Variants in GALNT18 observed in about 807,000 individuals in gnomAD.
GALNT18 encodes GalNAc-transferase 18.
Under a neutral mutation model 69.5 loss-of-function variants are expected in GALNT18, and 44 were observed. That is an observed-to-expected ratio of 0.63 (90% CI 0.50 to 0.81). The LOEUF is 0.81. Ranked by LOEUF, GALNT18 falls within the 40% of genes least tolerant of loss-of-function variation. The pLI, the probability that GALNT18 is intolerant of heterozygous loss-of-function variation, is 0.00. For synonymous variants in GALNT18, 364 were observed against 318.2 expected, an observed-to-expected ratio of 1.14 and a Z score of -1.53; for missense variants, 715 against 810.0, an observed-to-expected ratio of 0.88 and a Z score of 1.42.
intron 6 of GALNT18, among the ~76,000 whole-genome samples, chr11:11,359,969 T>C (rs905881159): frequency 6.6e-6 from 1 of 152,176 alleles, no homozygotes; most frequent in Non-Finnish European, 1.5e-5. Flanking sequence ...CAATTAATAA[T>C]ACACACAAGT....
In GALNT18 at chr11:11,363,001, A is replaced by G. The variant is rs111611932; in HGVS notation, c.1092+9514T>C. Among the ~76,000 whole-genome samples the G allele has an allele frequency of 4.6e-5, 7 of 152,336 alleles. 2 individuals are homozygous for G. Among genetic ancestry groups the G allele is most frequent in the African/African-American group, 1.4e-4 (6 of 41,592 alleles). ...AGAAAGGAATGAGGAATATCTCTAT[A>G]TACTGTTATAGAACAATCTTCAGAA... On this transcript the variant is annotated intron_variant, in intron 6 of 10. Transcript: ENST00000227756.
intron 9 of GALNT18, among the ~76,000 whole-genome samples, chr11:11,297,251 T>C (rs950420325): frequency 1.3e-5 from 2 of 152,154 alleles, no homozygotes; most frequent in African/African-American, 2.4e-5. Context: ...ACTTAAGGTA[T>C]AATAAAAGCT....
intron 3 of GALNT18, among the ~76,000 whole-genome samples, chr11:11,428,761 A>C (rs761099209): frequency 4.6e-5 from 7 of 152,232 alleles, no homozygotes; most frequent in Non-Finnish European, 8.8e-5. Flanking sequence ...CCTACCTTTA[A>C]GAAAAGAGAA....
rs1295946992 is a variant in GALNT18, at chr11:11,377,557, A to C, written c.780-178T>G. Among the ~76,000 whole-genome samples the C allele has an allele frequency of 2.0e-5, 3 of 152,084 alleles. No individual in the cohort carries two copies. The highest frequency in any genetic ancestry group is 1.5e-5 in the Non-Finnish European group (1 of 68,026). Reference sequence around the variant, plus strand: ...CTCCTATTCAACTTCCCGCTCCCTGAGGATTGCCGGAATGGCAAGAGGCTG... The same window carrying C: ...CTCCTATTCAACTTCCCGCTCCCTGCGGATTGCCGGAATGGCAAGAGGCTG... On this transcript the variant is annotated intron_variant, in intron 4 of 10. Transcript: ENST00000227756. This position sits in a 1 kb window ranked among gnomAD's most constrained non-coding sequence, Gnocchi z 4.6.
At chr11:11,575,238 G>T (rs192471956) in intron 1 of GALNT18, among the ~76,000 whole-genome samples, 70 of 152,282 alleles carry the variant, frequency 4.6e-4, no homozygotes, top group Non-Finnish European at 8.2e-4. Flanking sequence ...GAGGACCAAG[G>T]CACCTTTGTC....
chr11:11,605,130 C>G lies in GALNT18; in HGVS notation c.235+16229G>C, dbSNP rs561004594. ...CGGCTAATGGGCTGTGCTGTCCCGA[C>G]AGGCAGAGTCTGAGGAGGAACTTTT... On this transcript the variant is annotated intron_variant, in intron 1 of 10. Transcript: ENST00000227756. This position sits in a 1 kb window ranked among gnomAD's most constrained non-coding sequence, Gnocchi z 4.7. 5.9e-5 allele frequency among the ~76,000 whole-genome samples: 9 copies of G among 152,298 alleles called. No homozygotes were observed. In the South Asian group the frequency reaches 1.7e-3, roughly 28 times the overall value.
intron 1 of GALNT18, among the ~76,000 whole-genome samples, chr11:11,557,096 C>T (rs1858349634): frequency 6.6e-6 from 1 of 152,148 alleles, no homozygotes; most frequent in Non-Finnish European, 1.5e-5. Flanking sequence ...TATGAGGTTT[C>T]TCAGTCTAGC....
At chr11:11,376,913 C>T (rs570900801) in intron 5 of GALNT18, among the ~76,000 whole-genome samples, 14 of 152,288 alleles carry the variant, frequency 9.2e-5, no homozygotes, top group South Asian at 2.1e-4. Context: ...TTCATCACTC[C>T]GGATCCCCAA....
At chr11:11,502,861 C>T (rs1445799982) in intron 1 of GALNT18, among the ~76,000 whole-genome samples, 3 of 152,088 alleles carry the variant, frequency 2.0e-5, no homozygotes, top group Non-Finnish European at 4.4e-5. Context: ...TAACGCTCTC[C>T]GAATGAAGGG....
At chr11:11,475,879 C>T (rs1180622068) in intron 1 of GALNT18, 1 of 152,166 alleles carries the variant, frequency 6.6e-6, no homozygotes, top group African/African-American at 2.4e-5. Flanking sequence ...AGAATTCCAA[C>T]TGTGTAGACC....
At chr11:11,448,983 C>T (rs762001021) in intron 1 of GALNT18, 47 bp from the exon 2 acceptor site, 6 of 1,408,956 alleles carry the variant, frequency 4.3e-6, no homozygotes, top group Admixed American at 4.6e-5. Flanking sequence ...TGCACCCCTG[C>T]ATGTGCCATG....
intron 1 of GALNT18, among the ~76,000 whole-genome samples, chr11:11,502,206 G>A (rs867533103): frequency 1.3e-5 from 2 of 152,216 alleles, no homozygotes; most frequent in East Asian, 1.9e-4. Flanking sequence ...CTAAGGCGAA[G>A]TGAGGCTTGC....
At chr11:11,278,227 C>T (rs1848989734) in intron 10 of GALNT18, among the ~76,000 whole-genome samples, 1 of 151,824 alleles carries the variant, frequency 6.6e-6, no homozygotes, top group African/African-American at 2.4e-5. Flanking sequence ...CTTTAACACC[C>T]CACCTTTAAT....
chr11:11,294,790 G>C (rs1466350750), intron 9 of GALNT18, among the ~76,000 whole-genome samples: 1 of 152,034 alleles, frequency 6.6e-6, no homozygotes, highest in Admixed American at 6.5e-5. Context: ...TCAGGGCTCC[G>C]AGTGAAAAGT....
chr11:11,579,012 G>T (rs2133903970), intron 1 of GALNT18, among the ~76,000 whole-genome samples: 1 of 152,318 alleles, frequency 6.6e-6, no homozygotes, highest in African/African-American at 2.4e-5. Flanking sequence ...AGAAGGAAGG[G>T]CAGCATCACA....
Position 11,382,251 on chromosome 11 carries a change from A to G in GALNT18, c.596-2987T>C, listed in dbSNP as rs1853939189. Among the ~76,000 whole-genome samples, 1 of 152,204 alleles carries G rather than the reference A, an allele frequency of 6.6e-6. No homozygotes were observed. The highest frequency in any genetic ancestry group is 1.5e-5 in the Non-Finnish European group (1 of 68,036). On this transcript the variant is annotated intron_variant, in intron 3 of 10. Coordinates refer to ENST00000227756, the MANE Select transcript of GALNT18 (RefSeq NM_198516.3). This position sits in a 1 kb window ranked among gnomAD's most constrained non-coding sequence, Gnocchi z 4.3. ...TATCCAAAAAAGAAAATAAAGAAGA[A>G]ACAAAATGCCTTGAAGTACCCTAGA...
Position 11,372,575 on chromosome 11 carries a change from G to C in GALNT18, c.1032C>G (p.Ile344Met). The change falls in exon 6 of 11, where the codon ATC becomes ATG. Residue 344 changes from isoleucine (I) to methionine (M), a missense_variant. By Grantham distance (10) the Ile-to-Met change is conservative. Transcript: ENST00000227756. The surrounding 1 kb of genome is among the most constrained non-coding windows in gnomAD (Gnocchi z 4.9). ...FIVDRQYFQE[I>M]GLLDEGMEVY... ...CTTCCATGCCTTCGTCCAGCAGGCC[G>C]ATCTCCTGGAAGTACTGCCGGTCCA... is the stretch of plus-strand genomic sequence containing the variant. The C allele has an allele frequency of 1.2e-6, 2 of 1,614,206 alleles. No homozygotes were observed. The highest frequency in any genetic ancestry group is 1.7e-6 in the Non-Finnish European group (2 of 1,180,036).
intron 6 of GALNT18, among the ~76,000 whole-genome samples, chr11:11,348,237 G>A (rs1401166385): frequency 6.6e-6 from 1 of 152,054 alleles, no homozygotes; most frequent in Non-Finnish European, 1.5e-5. Context: ...AATTAGCTGG[G>A]CATGGTGGCG....
intron 6 of GALNT18, among the ~76,000 whole-genome samples, chr11:11,370,967 G>A (rs1189813362): frequency 6.6e-6 from 1 of 152,156 alleles, no homozygotes; most frequent in Non-Finnish European, 1.5e-5. Flanking sequence ...ATACAAATGG[G>A]GAATAAATGG....
Sources: allele counts gnomAD v4.1 joint callset (sites outside exome capture counted in the v4.1 genomes callset), GRCh38; gene constraint gnomAD v4.1.1; non-coding constraint Gnocchi (gnomAD v3.1); transcripts MANE v1.5; gene names NCBI Gene and HGNC (gene_info 2026-07-23, HGNC 2026-07-21).